ATP2B2: variants seen among roughly 807,000 people sequenced by gnomAD.
The protein encoded by ATP2B2 is plasma membrane calcium-transporting ATPase 2.
Under a neutral mutation model 120.0 loss-of-function variants are expected in ATP2B2, and 15 were observed. The ratio of observed to expected loss-of-function variants is 0.12; its 90% confidence interval spans 0.08 to 0.19. ATP2B2 has a LOEUF of 0.19. ATP2B2 is among the 10% of genes least tolerant of loss of function. The pLI is 1.00. For synonymous variants in ATP2B2, 694 were observed against 700.3 expected (o/e 0.99, Z 0.14); for missense variants, 1,045 against 1,719.8 (o/e 0.61, Z 6.94).
At chr3:10,365,501 T>C (rs937556239) in intron 12 of ATP2B2, among the ~76,000 whole-genome samples, 5 of 152,012 alleles carry the variant, frequency 3.3e-5, no homozygotes, top group Admixed American at 6.5e-5. Flanking sequence ...GGTGCGGGTG[T>C]CCGGGACGAC....
chr3:10,514,792 C>G (rs1039700502), intron 3 of ATP2B2, among the ~76,000 whole-genome samples: 2 of 152,242 alleles, frequency 1.3e-5, no homozygotes, highest in African/African-American at 4.8e-5. Context: ...AAGCCCCAGT[C>G]TAGTGGCCAC....
At position 10,475,758 on chromosome 3, in the gene ATP2B2, C is replaced by A. The variant is rs563123006; in HGVS notation, c.-319-25896G>T. 6.6e-5 allele frequency among the ~76,000 whole-genome samples: 10 copies of A among 152,176 alleles called. 1 individual carries two copies. The highest frequency in any genetic ancestry group is 1.5e-4 in the Non-Finnish European group (10 of 68,032). On this transcript the variant is annotated intron_variant, in intron 1 of 22. Transcript: ENST00000360273. ...GGTGGACAGAGCTGATGTCTAAGTG[C>A]GTTTCTGCTGCCAAAGCCAAAGCCC...
chr3:10,443,052 C>A (rs2063721890), intron 2 of ATP2B2, among the ~76,000 whole-genome samples: 1 of 152,228 alleles, frequency 6.6e-6, no homozygotes, highest in Admixed American at 6.5e-5. Context: ...CCCAGTCAGC[C>A]TGGACGGTCC....
At chr3:10,336,744 TGA>T (rs2125349937) in intron 22 of ATP2B2, among the ~76,000 whole-genome samples, 1 of 152,370 alleles carries the variant, frequency 6.6e-6, no homozygotes, top group Non-Finnish European at 1.5e-5. Flanking sequence ...GCCACCTCTC[TGA>T]GTCGAGTTTC....
intron 3 of ATP2B2, among the ~76,000 whole-genome samples, chr3:10,518,692 T>TA (rs1490200739): frequency 6.6e-6 from 1 of 152,200 alleles, no homozygotes; most frequent in Non-Finnish European, 1.5e-5. Flanking sequence ...CTCGCGTATT[T>TA]ATAGCCACCT....
chr3:10,548,240 T>C (rs1000657981), intron 2 of ATP2B2, among the ~76,000 whole-genome samples: 2 of 152,218 alleles, frequency 1.3e-5, no homozygotes, highest in Admixed American at 6.5e-5. Flanking sequence ...CTCCAAGCTA[T>C]ATAGAAACGA....
intron 1 of ATP2B2, among the ~76,000 whole-genome samples, chr3:10,473,145 C>T (rs1292400977): frequency 6.6e-6 from 1 of 152,214 alleles, no homozygotes; most frequent in Non-Finnish European, 1.5e-5. Context: ...TGGCCTGATG[C>T]TGGTTCCTTT....
chr3:10,454,237 T>C (rs1049591677), intron 1 of ATP2B2, among the ~76,000 whole-genome samples: 6 of 152,242 alleles, frequency 3.9e-5, no homozygotes, highest in Non-Finnish European at 8.8e-5. Context: ...CCCCAGGTGC[T>C]GTGGACACAC....
At chr3:10,395,750 C>T (rs1375840661) in intron 5 of ATP2B2, among the ~76,000 whole-genome samples, 2 of 152,168 alleles carry the variant, frequency 1.3e-5, no homozygotes, top group Non-Finnish European at 2.9e-5. Context: ...AATACTTAAA[C>T]ATTGAGAGCT....
intron 1 of ATP2B2, among the ~76,000 whole-genome samples, chr3:10,679,417 C>A (rs1575616644): frequency 6.6e-6 from 1 of 152,192 alleles, no homozygotes; most frequent in East Asian, 1.9e-4. Context: ...GGACCCAGAC[C>A]ATCTCTAGGG....
At chr3:10,382,484 T>A (rs1398814314) in intron 8 of ATP2B2, among the ~76,000 whole-genome samples, 1 of 151,760 alleles carries the variant, frequency 6.6e-6, no homozygotes, top group Non-Finnish European at 1.5e-5. Context: ...GTAGCTGGGA[T>A]TACAGGTGCC....
At chr3:10,675,865 T>C (rs1283892315) in intron 1 of ATP2B2, among the ~76,000 whole-genome samples, 2 of 152,104 alleles carry the variant, frequency 1.3e-5, no homozygotes, top group Non-Finnish European at 2.9e-5. Flanking sequence ...TTCTTCACAA[T>C]CTCCTATTCA....
At chr3:10,589,768 A>G (rs1290490048) in intron 2 of ATP2B2, among the ~76,000 whole-genome samples, 1 of 152,234 alleles carries the variant, frequency 6.6e-6, no homozygotes, top group Non-Finnish European at 1.5e-5. Context: ...ACGAATAAAC[A>G]CTGCCAACAA....
intron 2 of ATP2B2, among the ~76,000 whole-genome samples, chr3:10,580,209 C>T (rs1045145095): frequency 2.3e-4 from 35 of 152,144 alleles, no homozygotes; most frequent in Non-Finnish European, 7.4e-5. Context: ...GACCCCAAAT[C>T]CTGTGCTCAT....
chr3:10,427,833 C>G (rs1374064312), intron 2 of ATP2B2, among the ~76,000 whole-genome samples: 1 of 152,226 alleles, frequency 6.6e-6, no homozygotes, highest in Non-Finnish European at 1.5e-5. Flanking sequence ...GTTTCCTTCT[C>G]TCTCGTGGTG....
intron 5 of ATP2B2, among the ~76,000 whole-genome samples, chr3:10,395,827 G>A (rs1048309704): frequency 5.3e-5 from 8 of 152,198 alleles, no homozygotes; most frequent in Admixed American, 1.3e-4. Context: ...TTGGGCTGGC[G>A]CTTCTGCAGG....
At chr3:10,378,125 T>G (rs144802886) in intron 10 of ATP2B2, 127 bp downstream of exon 10, 9 of 1,284,812 alleles carry the variant, frequency 7.0e-6, no homozygotes, top group Non-Finnish European at 9.4e-6. Flanking sequence ...TAGAGAAAGG[T>G]GGGCTTCAGG....
chr3:10,462,806 G>A (rs529034413), intron 1 of ATP2B2, among the ~76,000 whole-genome samples: 17 of 152,164 alleles, frequency 1.1e-4, no homozygotes, highest in Admixed American at 3.9e-4. Context: ...AAACATATTC[G>A]TGACTACAGC....
intron 12 of ATP2B2, among the ~76,000 whole-genome samples, chr3:10,370,233 T>C (rs956156947): frequency 6.6e-6 from 1 of 152,372 alleles, no homozygotes; most frequent in Admixed American, 6.5e-5. Flanking sequence ...TTTTTGACTA[T>C]AATTGCATTA....
Sources: allele counts gnomAD v4.1 joint callset (sites outside exome capture counted in the v4.1 genomes callset), GRCh38; gene constraint gnomAD v4.1.1; transcripts MANE v1.5; gene names NCBI Gene and HGNC (gene_info 2026-07-23, HGNC 2026-07-21).